Variants in CDH20 observed in about 807,000 individuals in gnomAD.
The protein encoded by CDH20 is cadherin-20.
Under a neutral mutation model 74.2 loss-of-function variants are expected in CDH20, and 29 were observed. The observed-to-expected ratio is 0.39, with a 90% confidence interval of 0.29 to 0.53. CDH20 has a LOEUF of 0.53. Ranked by LOEUF, CDH20 falls within the 20% of genes least tolerant of loss-of-function variation. The probability of loss-of-function intolerance (pLI) is 0.69; values close to 1 mark genes in which losing one functional copy is unlikely to be tolerated. For synonymous variants in CDH20, 469 were observed against 405.4 expected, an observed-to-expected ratio of 1.16 and a Z score of -1.88; for missense variants, 988 against 1,048.3, an observed-to-expected ratio of 0.94 and a Z score of 0.79.
chr18:61,459,061 ATATC>A (rs1223713302), intron 1 of CDH20, among the ~76,000 whole-genome samples: 1 of 152,204 alleles, frequency 6.6e-6, no homozygotes, highest in East Asian at 1.9e-4. Flanking sequence ...GTGGAACATT[ATATC>A]TATCAGTCTT....
chr18:61,363,189 A>G (rs1328607089), intron 1 of CDH20, among the ~76,000 whole-genome samples: 1 of 152,210 alleles, frequency 6.6e-6, no homozygotes, highest in Non-Finnish European at 1.5e-5. Context: ...TCTAGCTTGG[A>G]TGATAAAAAA....
chr18:61,554,017 G>A (rs1432479051), intron 11 of CDH20, among the ~76,000 whole-genome samples, 173 bp from the exon 12 acceptor site: 6 of 152,122 alleles, frequency 3.9e-5, no homozygotes, highest in African/African-American at 1.4e-4. Flanking sequence ...ACAGAAAGAG[G>A]ACAAAGTGGA....
chr18:61,347,671 G>A (rs1396427044), intron 1 of CDH20, among the ~76,000 whole-genome samples: 1 of 152,070 alleles, frequency 6.6e-6, no homozygotes, highest in Non-Finnish European at 1.5e-5. Flanking sequence ...GTGACTAGCT[G>A]TCAACAAAGA....
chr18:61,439,441 C>T (rs1319205996), intron 1 of CDH20, among the ~76,000 whole-genome samples: 1 of 152,050 alleles, frequency 6.6e-6, no homozygotes, highest in Non-Finnish European at 1.5e-5. Context: ...TCAACCATAA[C>T]AAGCAATGTC....
chr18:61,406,140 TCA>T (rs753174929), intron 1 of CDH20, among the ~76,000 whole-genome samples: 1 of 152,036 alleles, frequency 6.6e-6, no homozygotes, highest in East Asian at 1.9e-4. Context: ...AAAAAAAAAA[TCA>T]CAGATTTTCC....
intron 4 of CDH20, among the ~76,000 whole-genome samples, chr18:61,501,177 A>T (rs747861141): frequency 1.3e-5 from 2 of 152,158 alleles, no homozygotes; most frequent in Non-Finnish European, 2.9e-5. Flanking sequence ...CATCAGAGAG[A>T]ACTGAATGGG....
chr18:61,372,886 T>C (rs539023221), intron 1 of CDH20, among the ~76,000 whole-genome samples: 7 of 152,224 alleles, frequency 4.6e-5, no homozygotes, highest in African/African-American at 1.7e-4. Context: ...TATCATCAAG[T>C]TGTATATTCT....
At chr18:61,425,072 T>A in intron 1 of CDH20, among the ~76,000 whole-genome samples, 1 of 145,588 alleles carries the variant, frequency 6.9e-6, no homozygotes, top group African/African-American at 2.6e-5. Context: ...TCTCTCTCTC[T>A]CTCTCACTCA....
At chr18:61,530,626 A>G (rs547455315) in intron 7 of CDH20, among the ~76,000 whole-genome samples, 1 of 152,214 alleles carries the variant, frequency 6.6e-6, no homozygotes, top group Non-Finnish European at 1.5e-5. Flanking sequence ...TCAGGAATAT[A>G]TGCTGGTCCT....
At chr18:61,526,701 A>G (rs1338994462) in intron 6 of CDH20, among the ~76,000 whole-genome samples, 1 of 152,202 alleles carries the variant, frequency 6.6e-6, no homozygotes. Flanking sequence ...TTTGAAAAAA[A>G]AAATTCTGAA....
chr18:61,547,615 A>G (rs12606917), intron 10 of CDH20, among the ~76,000 whole-genome samples: 1 of 152,080 alleles, frequency 6.6e-6, no homozygotes, highest in Non-Finnish European at 1.5e-5. Flanking sequence ...CCCATCTGAT[A>G]GATGAGGAAA....
At position 61,554,713 on chromosome 18, in the gene CDH20, G is replaced by A; in HGVS notation, c.*18G>A. ...TGTGGTGACGGAAGCCAGGAGGCAG[G>A]CGCGCGTCCAAATCCAGACGTTCTC... On this transcript the variant is annotated 3_prime_UTR_variant, in exon 12 of 12. Transcript: ENST00000262717. 3 of 1,531,936 alleles carry A rather than the reference G, an allele frequency of 2.0e-6. No homozygotes were observed. The highest frequency in any genetic ancestry group is 2.6e-6 in the Non-Finnish European group (3 of 1,139,716). The allele number at this position is 1,531,936 out of a possible 1,614,324, so 94.9% of individuals were successfully genotyped here.
At chr18:61,498,982 GA>G (rs1911265928) in intron 2 of CDH20, among the ~76,000 whole-genome samples, 1 of 152,090 alleles carries the variant, frequency 6.6e-6, no homozygotes. Context: ...ATGGGACATG[GA>G]AAATTTTACT....
intron 1 of CDH20, among the ~76,000 whole-genome samples, chr18:61,414,037 A>G (rs1340996236): frequency 1.3e-5 from 2 of 152,164 alleles, no homozygotes; most frequent in Non-Finnish European, 2.9e-5. Flanking sequence ...TGTTGTTTTC[A>G]CGCTTTCTGG....
intron 7 of CDH20, among the ~76,000 whole-genome samples, chr18:61,531,448 G>C (rs1228646135): frequency 6.6e-6 from 1 of 152,228 alleles, no homozygotes; most frequent in Non-Finnish European, 1.5e-5. Context: ...GTCAGGAGCT[G>C]AAAGAGAAGA....
chr18:61,340,944 AATAG>A (rs1196121424), intron 1 of CDH20, among the ~76,000 whole-genome samples: 4 of 152,338 alleles, frequency 2.6e-5, no homozygotes, highest in Admixed American at 1.3e-4. Context: ...AGAGTAACAA[AATAG>A]ATAGAAATGA....
At chr18:61,394,167 G>A (rs1911885601) in intron 1 of CDH20, among the ~76,000 whole-genome samples, 1 of 152,114 alleles carries the variant, frequency 6.6e-6, no homozygotes, top group Non-Finnish European at 1.5e-5. Flanking sequence ...CCCAGAAAGT[G>A]CCTTGAATGC....
intron 1 of CDH20, among the ~76,000 whole-genome samples, chr18:61,351,302 C>T (rs564192707): frequency 2.0e-5 from 3 of 152,140 alleles, no homozygotes; most frequent in African/African-American, 4.8e-5. Flanking sequence ...TCCCCCCATC[C>T]TCTGGTAAGC....
At chr18:61,452,802 A>T (rs1195474795) in intron 1 of CDH20, among the ~76,000 whole-genome samples, 2 of 152,126 alleles carry the variant, frequency 1.3e-5, no homozygotes, top group Admixed American at 1.3e-4. Context: ...CTTAATTAAG[A>T]CCCACAACTG....
Sources: allele counts gnomAD v4.1 joint callset (sites outside exome capture counted in the v4.1 genomes callset), GRCh38; gene constraint gnomAD v4.1.1; transcripts MANE v1.5; gene names NCBI Gene and HGNC (gene_info 2026-07-23, HGNC 2026-07-21).